The following GALNT13 variants were observed in gnomAD, a reference collection of about 807,000 sequenced individuals.
GALNT13 encodes UDP-GalNAc:polypeptide N-acetylgalactosaminyltransferase 13.
In GALNT13, 28 loss-of-function variants were observed where a neutral mutation model predicts 64.2. The observed-to-expected ratio is 0.44, with a 90% CI of 0.32 to 0.60. The LOEUF (loss-of-function observed/expected upper bound fraction) is 0.60. Among genes scored for constraint, GALNT13 ranks in the 20% least tolerant of loss-of-function variants. The pLI is 0.05. For missense variants in GALNT13, 577 were observed against 669.8 expected, an observed-to-expected ratio of 0.86 and a Z score of 1.53; for synonymous variants, 214 against 224.6, an observed-to-expected ratio of 0.95 and a Z score of 0.42.
the GALNT13 span, among the ~76,000 whole-genome samples, chr2:153,246,522 C>T: frequency 2.6e-5 from 4 of 152,126 alleles, no homozygotes; most frequent in Admixed American, 6.5e-5. Context: ...CAATTTTCAA[C>T]CCAGAATTTC....
At chr2:153,496,279 T>C in the GALNT13 span, among the ~76,000 whole-genome samples, 1 of 152,196 alleles carries the variant, frequency 6.6e-6, no homozygotes, top group Admixed American at 6.5e-5. Context: ...GGACCTTTCC[T>C]TTTTAAGGAA....
the GALNT13 span, among the ~76,000 whole-genome samples, chr2:153,403,060 T>A: frequency 4.0e-5 from 6 of 151,618 alleles, no homozygotes; most frequent in South Asian, 2.1e-4. Context: ...TTTGTGGTTT[T>A]ATCTACTTTT....
chr2:153,452,878 A>G, the GALNT13 span, among the ~76,000 whole-genome samples: 1 of 152,222 alleles, frequency 6.6e-6, no homozygotes, highest in Non-Finnish European at 1.5e-5. Context: ...AAACTATACT[A>G]TAAGGCTATA....
the GALNT13 span, among the ~76,000 whole-genome samples, chr2:153,174,792 C>A: frequency 6.6e-6 from 1 of 152,108 alleles, no homozygotes; most frequent in Non-Finnish European, 1.5e-5. Flanking sequence ...GAGACTTTAC[C>A]TGAAGCATCT....
chr2:153,166,518 A>G, the GALNT13 span, among the ~76,000 whole-genome samples: 1 of 152,160 alleles, frequency 6.6e-6, no homozygotes, highest in African/African-American at 2.4e-5. Flanking sequence ...TAGGACTTAC[A>G]TGTGAGGCAC....
the GALNT13 span, among the ~76,000 whole-genome samples, chr2:153,398,935 C>T: frequency 4.4e-5 from 5 of 113,842 alleles, no homozygotes; most frequent in Admixed American, 2.0e-4. Flanking sequence ...TAATTAGATC[C>T]CATTTGTCAA....
At chr2:153,736,639 A>AT in the GALNT13 span, among the ~76,000 whole-genome samples, 279 of 152,060 alleles carry the variant, frequency 1.8e-3, 1 homozygote, top group African/African-American at 6.3e-3. Flanking sequence ...CTATCTATCT[A>AT]TCATTTATCC....
chr2:153,942,055 G>T (rs1306261441), intron 2 of GALNT13, among the ~76,000 whole-genome samples: 4 of 152,102 alleles, frequency 2.6e-5, no homozygotes, highest in Non-Finnish European at 5.9e-5. Flanking sequence ...ATTAGGAAAT[G>T]ACTTATCTTA....
At chr2:153,577,133 CT>C in the GALNT13 span, among the ~76,000 whole-genome samples, 27 of 151,814 alleles carry the variant, frequency 1.8e-4, 2 homozygotes, top group East Asian at 4.8e-3. Context: ...AAGAGGCTAC[CT>C]TTTCCCCTGT....
chr2:154,337,443 A>T (rs556320780), intron 9 of GALNT13, among the ~76,000 whole-genome samples: 1 of 152,174 alleles, frequency 6.6e-6, no homozygotes, highest in Non-Finnish European at 1.5e-5. Flanking sequence ...TGTTAAAATA[A>T]TTGACTTTGT....
intron 9 of GALNT13, among the ~76,000 whole-genome samples, chr2:154,341,940 C>G (rs188597692): frequency 6.6e-6 from 1 of 152,088 alleles, no homozygotes; most frequent in Non-Finnish European, 1.5e-5. Flanking sequence ...GCAGGTTGAA[C>G]AGATATGTGT....
the GALNT13 span, among the ~76,000 whole-genome samples, chr2:153,772,473 G>C: frequency 6.6e-6 from 1 of 152,108 alleles, no homozygotes; most frequent in Admixed American, 6.5e-5. Flanking sequence ...ACTTTTATCA[G>C]CTGAATGCCA....
chr2:153,614,628 A>G, the GALNT13 span, among the ~76,000 whole-genome samples: 1 of 152,052 alleles, frequency 6.6e-6, no homozygotes, highest in African/African-American at 2.4e-5. Context: ...ACTTTCCTAT[A>G]GTTTTTGTAT....
chr2:153,116,218 T>G, the GALNT13 span, among the ~76,000 whole-genome samples: 5 of 152,200 alleles, frequency 3.3e-5, no homozygotes, highest in Non-Finnish European at 7.3e-5. Context: ...TCAGCATCTA[T>G]TAAAATTTGT....
chr2:153,718,324 T>C, the GALNT13 span, among the ~76,000 whole-genome samples: 2 of 151,634 alleles, frequency 1.3e-5, no homozygotes, highest in Non-Finnish European at 2.9e-5. Flanking sequence ...CAAAGTAAGG[T>C]AGTGAAATTT....
At chr2:154,021,836 A>G (rs9678297) in intron 3 of GALNT13, among the ~76,000 whole-genome samples, 109,263 of 144,462 alleles carry the variant, frequency 0.76, 41,725 homozygotes, top group East Asian at 0.96. Context: ...TTGGCTGTGG[A>G]TTTGTCATAG....
At chr2:154,026,325 T>C (rs979349931) in intron 3 of GALNT13, among the ~76,000 whole-genome samples, 2 of 152,128 alleles carry the variant, frequency 1.3e-5, no homozygotes, top group Non-Finnish European at 2.9e-5. Flanking sequence ...GTCTTCTGGC[T>C]TGCTATTATT....
the GALNT13 span, among the ~76,000 whole-genome samples, chr2:153,725,342 A>G: frequency 6.6e-6 from 1 of 151,562 alleles, no homozygotes; most frequent in African/African-American, 2.4e-5. Context: ...GCATTGGGAG[A>G]TATACCTAAT....
chr2:153,584,945 C>T, the GALNT13 span, among the ~76,000 whole-genome samples: 2 of 152,130 alleles, frequency 1.3e-5, no homozygotes, highest in African/African-American at 4.8e-5. Flanking sequence ...AAAAGTCTAC[C>T]CTCACCAAAC....
Sources: allele counts gnomAD v4.1 joint callset (sites outside exome capture counted in the v4.1 genomes callset), GRCh38; gene constraint gnomAD v4.1.1; transcripts MANE v1.5; gene names NCBI Gene and HGNC (gene_info 2026-07-23, HGNC 2026-07-21).